RASAL2: variants seen among roughly 807,000 people sequenced by gnomAD.
RASAL2 encodes RAS protein activator like 2, also known as ras GTPase-activating protein nGAP.
RASAL2 carries 58 observed loss-of-function variants against 128.9 expected under a neutral mutation model. The observed-to-expected ratio is 0.45, with a 90% CI of 0.36 to 0.56. The LOEUF is 0.56. Ranked by LOEUF, RASAL2 falls within the 20% of genes least tolerant of loss-of-function variation. The pLI is 0.00. For synonymous variants in RASAL2, 561 were observed against 580.8 expected (o/e 0.97, Z 0.49); for missense variants, 1,360 against 1,601.6 (o/e 0.85, Z 2.57).
At chr1:178,232,948 T>TA (rs1396584844) in intron 1 of RASAL2, among the ~76,000 whole-genome samples, 3 of 152,164 alleles carry the variant, frequency 2.0e-5, no homozygotes, top group Admixed American at 6.5e-5. Context: ...TTATTTCACT[T>TA]AAAAAAATCA....
At chr1:178,247,627 C>A (rs2102071705) in intron 1 of RASAL2, among the ~76,000 whole-genome samples, 1 of 152,158 alleles carries the variant, frequency 6.6e-6, no homozygotes, top group East Asian at 1.9e-4. Flanking sequence ...AATTTGTTTT[C>A]TCTTGCTTCT....
intron 1 of RASAL2, among the ~76,000 whole-genome samples, chr1:178,213,045 C>G (rs1663308508): frequency 6.6e-6 from 1 of 151,588 alleles, no homozygotes; most frequent in Non-Finnish European, 1.5e-5. Flanking sequence ...ATTCACTATT[C>G]TTTTTTAAGA....
At chr1:178,146,053 A>G (rs1029483386) in intron 1 of RASAL2, among the ~76,000 whole-genome samples, 3 of 152,232 alleles carry the variant, frequency 2.0e-5, no homozygotes, top group African/African-American at 7.2e-5. Flanking sequence ...TGAGAGAAGT[A>G]ATAGTTTTTG....
chr1:178,212,489 T>C (rs562773256), intron 1 of RASAL2, among the ~76,000 whole-genome samples: 1 of 152,096 alleles, frequency 6.6e-6, no homozygotes, highest in South Asian at 2.1e-4. Flanking sequence ...GACTTCTAAC[T>C]CTTTTTTTTT....
intron 3 of RASAL2, among the ~76,000 whole-genome samples, chr1:178,300,636 T>A (rs1167481697): frequency 6.6e-6 from 1 of 152,198 alleles, no homozygotes; most frequent in Non-Finnish European, 1.5e-5. Context: ...GGAGAAATCC[T>A]ACTTCCATTT....
chr1:178,449,550 C>T (rs115087965), intron 9 of RASAL2, among the ~76,000 whole-genome samples: 181 of 152,020 alleles, frequency 1.2e-3, no homozygotes, highest in African/African-American at 4.1e-3. Context: ...CAAGCACCCC[C>T]TTTGGCTCTG....
intron 3 of RASAL2, among the ~76,000 whole-genome samples, chr1:178,388,779 T>C (rs745933547): frequency 3.3e-5 from 5 of 152,382 alleles, no homozygotes; most frequent in Admixed American, 6.5e-5. Context: ...TAGGTGGATA[T>C]ACATTTCAGT....
At chr1:178,320,400 C>T (rs998950581) in intron 3 of RASAL2, among the ~76,000 whole-genome samples, 8 of 152,322 alleles carry the variant, frequency 5.3e-5, no homozygotes, top group Non-Finnish European at 7.3e-5. Flanking sequence ...GCCTCGCTGC[C>T]GCCTTGCAGT....
intron 4 of RASAL2, among the ~76,000 whole-genome samples, chr1:178,392,800 G>A (rs968682773): frequency 6.6e-6 from 1 of 152,104 alleles, no homozygotes; most frequent in African/African-American, 2.4e-5. Flanking sequence ...CAGTGGGTAA[G>A]GATCACTCAT....
chr1:178,267,021 C>G (rs1183490030), intron 1 of RASAL2, among the ~76,000 whole-genome samples: 1 of 152,060 alleles, frequency 6.6e-6, no homozygotes, highest in African/African-American at 2.4e-5. Context: ...GGCTTTCCTG[C>G]TAGACAAGAA....
At chr1:178,430,870 CA>C (rs1400591898) in intron 5 of RASAL2, among the ~76,000 whole-genome samples, 1 of 147,302 alleles carries the variant, frequency 6.8e-6, no homozygotes, top group Non-Finnish European at 1.5e-5. Flanking sequence ...AACTTGCTGA[CA>C]AAATAAGAAA....
chr1:178,155,144 A>G (rs1001380779), intron 1 of RASAL2, among the ~76,000 whole-genome samples: 2 of 152,142 alleles, frequency 1.3e-5, no homozygotes, highest in Non-Finnish European at 2.9e-5. Context: ...TATTAATTAA[A>G]GGAGAGTTTG....
chr1:178,464,207 A>AAGAC, intron 14 of RASAL2, 71 bp from the exon 15 acceptor site: 1 of 1,488,976 alleles, frequency 6.7e-7, no homozygotes, highest in Non-Finnish European at 9.0e-7. Context: ...GTCTTCCAAG[A>AAGAC]ATAGCTGTTT....
At chr1:178,444,719 A>G (rs544830040) in intron 8 of RASAL2, among the ~76,000 whole-genome samples, 1 of 152,164 alleles carries the variant, frequency 6.6e-6, no homozygotes, top group South Asian at 2.1e-4. Flanking sequence ...GGGCGGGCAG[A>G]CAGAAAGATA....
intron 1 of RASAL2, among the ~76,000 whole-genome samples, chr1:178,114,193 A>G (rs1432759196): frequency 6.6e-6 from 1 of 152,084 alleles, no homozygotes; most frequent in African/African-American, 2.4e-5. Context: ...GCTTGATTAC[A>G]TTGGCTAGAA....
chr1:178,149,705 TATC>T, intron 1 of RASAL2, among the ~76,000 whole-genome samples: 1 of 152,156 alleles, frequency 6.6e-6, no homozygotes, highest in East Asian at 1.9e-4. Flanking sequence ...ATATGTTTCC[TATC>T]ATCTTTCCTT....
chr1:178,397,725 T>A lies in RASAL2; in HGVS notation c.564+7519T>A, dbSNP rs1420769176. Among the ~76,000 whole-genome samples the A allele has an allele frequency of 2.0e-5, 3 of 151,716 alleles. No homozygotes were observed. The East Asian group carries it at 5.8e-4, about 29-fold the overall frequency. On this transcript the variant is annotated intron_variant, in intron 4 of 17. Transcript: ENST00000367649. ...CCCAGGCTCAAACGAACCTCCCACC[T>A]CAGCTGTGAAGCTGGAACCACAAGC...
chr1:178,408,491 T>C (rs911085427), intron 4 of RASAL2, among the ~76,000 whole-genome samples: 28 of 152,190 alleles, frequency 1.8e-4, no homozygotes, highest in Admixed American at 1.6e-3. Context: ...GTTTTGATTT[T>C]ACTTTAGTTT....
chr1:178,473,397 A>G lies in RASAL2; in HGVS notation c.*158A>G, dbSNP rs2102976525. 1 of 921,088 alleles carries G rather than the reference A, an allele frequency of 1.1e-6. No individual in the cohort carries two copies. The highest frequency in any genetic ancestry group is 2.6e-5 in the East Asian group (1 of 37,756). 57.1% of individuals were successfully genotyped at this position (921,088 alleles called of 1,614,324 possible). On this transcript the variant is annotated 3_prime_UTR_variant, in exon 18 of 18. Coordinates refer to ENST00000367649, the MANE Select transcript of RASAL2 (RefSeq NM_170692.4). ...AGAAAGGAACCTTGTCTTTCAGGGC[A>G]TAAGGCGGCGACTTCCAAGGTCAAT...
Sources: allele counts gnomAD v4.1 joint callset (sites outside exome capture counted in the v4.1 genomes callset), GRCh38; gene constraint gnomAD v4.1.1; transcripts MANE v1.5; gene names NCBI Gene and HGNC (gene_info 2026-07-23, HGNC 2026-07-21).